LRP5: variants seen among roughly 807,000 people sequenced by gnomAD.
LRP5 encodes the protein LDL receptor related protein 5.
A neutral mutation model predicts 154.1 loss-of-function variants in LRP5; 62 were observed. That is an observed-to-expected ratio of 0.40 (90% CI 0.33 to 0.50). LRP5 has a LOEUF of 0.50. LRP5 is among the 20% of genes least tolerant of loss of function. The probability of loss-of-function intolerance (pLI) is 0.55; values close to 1 mark genes in which losing one functional copy is unlikely to be tolerated. For missense variants in LRP5, 1,915 were observed against 2,336.7 expected (o/e 0.82, Z 3.72); for synonymous variants, 966 against 1,011.5 (o/e 0.96, Z 0.85).
At chr11:68,322,635 C>T (rs529065687) in intron 1 of LRP5, among the ~76,000 whole-genome samples, 4 of 152,378 alleles carry the variant, frequency 2.6e-5, no homozygotes, top group South Asian at 2.1e-4. Flanking sequence ...TCTTCGTCTG[C>T]GCCCCTCTGC....
Position 68,438,467 on chromosome 11 carries a change from A to G in LRP5, c.4133A>G (p.Asp1378Gly), listed in dbSNP as rs1333618870. The G allele has an allele frequency of 2.5e-6, 4 of 1,614,166 alleles. No individual in the cohort carries two copies. In the Admixed American group the frequency reaches 6.7e-5, roughly 27 times the overall value. ...GCAGAAATCACCAAGCCGCCCTCAGACGACAGCCCGGCCCACAGCAGTGCC... is the reference window on the plus strand; with the variant it reads ...GCAGAAATCACCAAGCCGCCCTCAGGCGACAGCCCGGCCCACAGCAGTGCC... Reference protein sequence around the residue: ...LMCEITKPPSDDSPAHSSAIG... With the variant: ...LMCEITKPPSGDSPAHSSAIG... The change falls in exon 20 of 23, where the codon GAC becomes GGC. Residue 1378 changes from aspartate (D) to glycine (G), a missense_variant. Physicochemically the swap from Asp to Gly is moderately conservative, Grantham distance 94 (BLOSUM62 -1). Transcript: ENST00000294304.
At chr11:68,390,116 G>T in intron 7 of LRP5, 64 bp downstream of exon 7, 1 of 1,586,564 alleles carries the variant, frequency 6.3e-7, no homozygotes, top group Non-Finnish European at 8.6e-7. Context: ...GCAGCCAGAT[G>T]TACGTATTGG....
At position 68,378,616 on chromosome 11, in the gene LRP5, TAC is replaced by T. The variant is rs541445332; in HGVS notation, c.1016-7699_1016-7698del. 3.2e-3 allele frequency among the ~76,000 whole-genome samples: 489 copies of T among 152,342 alleles called. 4 individuals are homozygous for T. The highest frequency in any genetic ancestry group is 5.8e-3 in the Admixed American group (89 of 15,300). On this transcript the variant is annotated intron_variant, in intron 5 of 22. Coordinates refer to ENST00000294304, the MANE Select transcript of LRP5 (RefSeq NM_002335.4). ...TTTTCCTCTTATAAAATAACATTTA[TAC>T]GTTCGCTGTAGCAAGGAAAACATTA...
At chr11:68,306,093 C>T in the LRP5 span, among the ~76,000 whole-genome samples, 2 of 152,118 alleles carry the variant, frequency 1.3e-5, no homozygotes, top group African/African-American at 2.4e-5. Context: ...TTCACATGGC[C>T]TTTTTTCCTT....
intron 17 of LRP5, among the ~76,000 whole-genome samples, chr11:68,430,394 G>A (rs1211844281): frequency 1.3e-5 from 2 of 152,172 alleles, no homozygotes; most frequent in East Asian, 1.9e-4. Context: ...GGCTGGTCTC[G>A]AACTCCTGAC....
intron 1 of LRP5, among the ~76,000 whole-genome samples, chr11:68,316,523 C>T (rs770775186): frequency 2.1e-4 from 32 of 152,206 alleles, no homozygotes; most frequent in Non-Finnish European, 4.4e-4. Context: ...CTGCCGGCCT[C>T]GGCCTCCCAA....
chr11:68,397,972 T>TTGTTTGTG, intron 7 of LRP5, among the ~76,000 whole-genome samples: 2 of 142,192 alleles, frequency 1.4e-5, no homozygotes, highest in Admixed American at 1.4e-4. Flanking sequence ...CTGTGTGTGT[T>TTGTTTGTG]TGTGTGTGTG....
intron 16 of LRP5, 80 bp from the exon 17 acceptor site, chr11:68,429,495 T>C (rs966365932): frequency 6.3e-7 from 1 of 1,587,154 alleles, no homozygotes; most frequent in Non-Finnish European, 8.6e-7. Flanking sequence ...TGAGTTCTCA[T>C]TTGGCCCCTA....
chr11:68,335,753 C>T (rs1233066326), intron 1 of LRP5, among the ~76,000 whole-genome samples: 1 of 152,120 alleles, frequency 6.6e-6, no homozygotes, highest in Admixed American at 6.5e-5. Context: ...GCAAAATTGC[C>T]CACAAAAAGC....
chr11:68,378,896 G>A (rs896796145), intron 5 of LRP5, among the ~76,000 whole-genome samples: 2 of 151,826 alleles, frequency 1.3e-5, no homozygotes, highest in Non-Finnish European at 2.9e-5. Flanking sequence ...AAAAATAAAA[G>A]ATTAGCCAGG....
Position 68,423,938 on chromosome 11 carries a change from G to A in LRP5, c.3236+241G>A, listed in dbSNP as rs1026924268. On this transcript the variant is annotated intron_variant, in intron 14 of 22. Transcript: ENST00000294304. This position sits in a 1 kb window ranked among gnomAD's most constrained non-coding sequence, Gnocchi z 4.7. ...GAGAGGTTACAAGGCAGCGCTGGCC[G>A]ACGGGAGTTGCAGTTGATAGGTTTT... Among the ~76,000 whole-genome samples, 23 of 152,248 alleles carry A rather than the reference G, an allele frequency of 1.5e-4. No homozygotes were observed. The highest frequency in any genetic ancestry group is 3.3e-4 in the Admixed American group (5 of 15,284).
intron 21 of LRP5, among the ~76,000 whole-genome samples, chr11:68,443,568 TATATATATATATATATA>T (rs2098679594): frequency 2.4e-5 from 1 of 42,036 alleles, no homozygotes; most frequent in African/African-American, 1.2e-4. Context: ...TATATATATA[TATATATATATATATATA>T]TTTTTTTTTT....
intron 17 of LRP5, among the ~76,000 whole-genome samples, chr11:68,430,900 G>A (rs952615660): frequency 6.6e-6 from 1 of 152,166 alleles, no homozygotes; most frequent in African/African-American, 2.4e-5. Flanking sequence ...CTGAATCTCT[G>A]TGAGCCTCCA....
intron 1 of LRP5, among the ~76,000 whole-genome samples, chr11:68,340,010 G>A (rs2098607995): frequency 6.6e-6 from 1 of 152,142 alleles, no homozygotes; most frequent in African/African-American, 2.4e-5. Context: ...GGATGCCAAG[G>A]CGGGCGGATC....
chr11:68,413,457 T>A lies in LRP5; in HGVS notation c.2504-232T>A, dbSNP rs1591298385. Among the ~76,000 whole-genome samples the A allele has an allele frequency of 6.6e-6, 1 of 152,172 alleles. No homozygotes were observed. Among genetic ancestry groups the A allele is most frequent in the Admixed American group, 6.5e-5 (1 of 15,278 alleles). ...TGGAGTCTCGCTGCCTGGGTGGTAA[T>A]CCTGGCCCTGCCACTTAGCAACTGT... On this transcript the variant is annotated intron_variant, in intron 11 of 22. Transcript: ENST00000294304. This position sits in a 1 kb window ranked among gnomAD's most constrained non-coding sequence, Gnocchi z 5.1.
At chr11:68,299,366 C>T in the LRP5 span, among the ~76,000 whole-genome samples, 341 of 152,248 alleles carry the variant, frequency 2.2e-3, 2 homozygotes, top group African/African-American at 7.3e-3. Flanking sequence ...AGGGGCCCAG[C>T]GTGCTGAAGG....
At chr11:68,299,825 C>T in the LRP5 span, among the ~76,000 whole-genome samples, 11 of 148,834 alleles carry the variant, frequency 7.4e-5, no homozygotes, top group South Asian at 4.2e-4. Context: ...TCAAGTGATC[C>T]GCCCGCCTCA....
chr11:68,422,535 C>T (rs1161582544), intron 13 of LRP5, among the ~76,000 whole-genome samples: 2 of 152,168 alleles, frequency 1.3e-5, no homozygotes, highest in Non-Finnish European at 2.9e-5. Context: ...AAGAGCCCTT[C>T]GAAGGGATGC....
chr11:68,392,494 ACT>A (rs1301353652), intron 7 of LRP5, among the ~76,000 whole-genome samples: 1 of 151,998 alleles, frequency 6.6e-6, no homozygotes, highest in Non-Finnish European at 1.5e-5. Flanking sequence ...ACAGAGCAAG[ACT>A]CTGTCTTGAA....
Sources: allele counts gnomAD v4.1 joint callset (sites outside exome capture counted in the v4.1 genomes callset), GRCh38; gene constraint gnomAD v4.1.1; non-coding constraint Gnocchi (gnomAD v3.1); transcripts MANE v1.5; gene names NCBI Gene and HGNC (gene_info 2026-07-23, HGNC 2026-07-21).